Variants in PRKAR2B observed in about 807,000 individuals in gnomAD.
PRKAR2B encodes protein kinase cAMP-dependent type II regulatory subunit beta.
Under a neutral mutation model 49.9 loss-of-function variants are expected in PRKAR2B, and 14 were observed. The ratio of observed to expected loss-of-function variants is 0.28; its 90% CI spans 0.19 to 0.44. PRKAR2B has a LOEUF of 0.44. Among genes scored for constraint, PRKAR2B ranks in the 20% least tolerant of loss-of-function variants. The pLI, the probability that PRKAR2B is intolerant of heterozygous loss-of-function variation, is 1.00. For missense variants in PRKAR2B, 393 were observed against 537.9 expected, an observed-to-expected ratio of 0.73 and a Z score of 2.67; for synonymous variants, 196 against 197.7, an observed-to-expected ratio of 0.99 and a Z score of 0.07.
chr7:107,151,454 G>T (rs771966950), intron 7 of PRKAR2B, among the ~76,000 whole-genome samples: 3 of 152,054 alleles, frequency 2.0e-5, no homozygotes, highest in Non-Finnish European at 2.9e-5. Context: ...TCTGTCCTTG[G>T]CCTCTTCTCT....
intron 2 of PRKAR2B, among the ~76,000 whole-genome samples, chr7:107,100,915 T>C (rs574976202): frequency 6.6e-6 from 1 of 150,512 alleles, no homozygotes; most frequent in South Asian, 2.2e-4. Context: ...CCTTTAGCTC[T>C]GTGAACATAT....
At chr7:107,155,379 C>A (rs1392592809) in intron 8 of PRKAR2B, among the ~76,000 whole-genome samples, 1 of 152,070 alleles carries the variant, frequency 6.6e-6, no homozygotes, top group Non-Finnish European at 1.5e-5. Context: ...CATGGTGAAA[C>A]CCCATCTCTA....
Position 107,153,076 on chromosome 7 carries a change from C to T in PRKAR2B, c.844-101C>T, listed in dbSNP as rs114035683. 3,068 of 660,796 alleles carry T rather than the reference C, an allele frequency of 4.6e-3. 76 individuals carry two copies. In the African/African-American group the frequency reaches 0.052, roughly 11 times the overall value. 40.9% of individuals were successfully genotyped at this position (660,796 alleles called of 1,614,324 possible). A position where few individuals can be genotyped will look rare whatever the true frequency, so the allele number is the denominator to read the frequency against. On this transcript the variant is annotated intron_variant, in intron 7 of 10. Transcript: ENST00000265717. ...ACACATATACAACCTACACACTGCTCGATTTATTTGGCCTATAGGCTACCA... is the reference window on the plus strand; with the variant it reads ...ACACATATACAACCTACACACTGCTTGATTTATTTGGCCTATAGGCTACCA...
At chr7:107,144,242 C>T (rs558664546) in intron 5 of PRKAR2B, among the ~76,000 whole-genome samples, 15 of 151,886 alleles carry the variant, frequency 9.9e-5, no homozygotes, top group Middle Eastern at 3.4e-3. Context: ...ACTGCCACCA[C>T]GCCTGGCTAA....
chr7:107,118,162 CATTT>C (rs1795314479), intron 2 of PRKAR2B, among the ~76,000 whole-genome samples: 3 of 152,256 alleles, frequency 2.0e-5, no homozygotes, highest in South Asian at 2.1e-4. Context: ...GCCATTCATT[CATTT>C]ATTTGTTACA....
chr7:107,120,744 A>G (rs1188087255), intron 2 of PRKAR2B, among the ~76,000 whole-genome samples: 1 of 152,152 alleles, frequency 6.6e-6, no homozygotes, highest in Non-Finnish European at 1.5e-5. Flanking sequence ...TTCTTTCCTC[A>G]TAGATATCAT....
At chr7:107,126,544 C>A (rs138365485) in intron 3 of PRKAR2B, among the ~76,000 whole-genome samples, 109 of 151,462 alleles carry the variant, frequency 7.2e-4, no homozygotes, top group Non-Finnish European at 1.2e-3. Flanking sequence ...GAGAGAAAGA[C>A]ATAAAGTTGA....
At chr7:107,133,267 A>G (rs1003012244) in intron 4 of PRKAR2B, among the ~76,000 whole-genome samples, 4 of 152,212 alleles carry the variant, frequency 2.6e-5, no homozygotes, top group African/African-American at 7.2e-5. Context: ...TTGCCTTTTC[A>G]TATATCCGTG....
chr7:107,064,552 T>C (rs1794094759), intron 1 of PRKAR2B, among the ~76,000 whole-genome samples: 1 of 152,148 alleles, frequency 6.6e-6, no homozygotes, highest in Non-Finnish European at 1.5e-5. Context: ...TCCCGTTATG[T>C]CTCATAAGAA....
At chr7:107,135,168 A>T (rs1795676250) in intron 4 of PRKAR2B, among the ~76,000 whole-genome samples, 2 of 152,204 alleles carry the variant, frequency 1.3e-5, no homozygotes, top group African/African-American at 4.8e-5. Context: ...AAGTGCTTGA[A>T]TATACAAATG....
At chr7:107,140,991 AC>A (rs780274695) in intron 5 of PRKAR2B, 38 bp downstream of exon 5, 4 of 1,458,692 alleles carry the variant, frequency 2.7e-6, no homozygotes, top group Non-Finnish European at 3.8e-6. Flanking sequence ...AATTGAAAGA[AC>A]CTTTTGTGTA....
At chr7:107,159,343 A>T in intron 10 of PRKAR2B, 106 bp from the exon 11 acceptor site, 2 of 1,110,806 alleles carry the variant, frequency 1.8e-6, no homozygotes, top group African/African-American at 3.2e-5. Context: ...TTTACCTAAA[A>T]TATCATTGCA....
chr7:107,135,459 A>G (rs1795681305), intron 4 of PRKAR2B, among the ~76,000 whole-genome samples: 1 of 152,172 alleles, frequency 6.6e-6, no homozygotes, highest in South Asian at 2.1e-4. Context: ...TTGTTCACAG[A>G]TGACATGATT....
At chr7:107,059,236 T>C (rs1297390702) in intron 1 of PRKAR2B, among the ~76,000 whole-genome samples, 1 of 151,926 alleles carries the variant, frequency 6.6e-6, no homozygotes, top group East Asian at 1.9e-4. Context: ...TGCAGTGAAC[T>C]CCAGCGTGGG....
At chr7:107,098,329 G>A (rs1234630710) in intron 2 of PRKAR2B, among the ~76,000 whole-genome samples, 5 of 152,114 alleles carry the variant, frequency 3.3e-5, no homozygotes, top group African/African-American at 4.8e-5. Context: ...CATGCATCAC[G>A]TAGTTCTTGT....
intron 3 of PRKAR2B, among the ~76,000 whole-genome samples, chr7:107,126,087 TAAAAA>T (rs34333619): frequency 1.2e-5 from 1 of 82,258 alleles, no homozygotes; most frequent in African/African-American, 4.9e-5. Flanking sequence ...GACTGTGTCT[TAAAAA>T]AAAAAAAAAA....
At chr7:107,105,439 A>G (rs1165428218) in intron 2 of PRKAR2B, among the ~76,000 whole-genome samples, 1 of 152,234 alleles carries the variant, frequency 6.6e-6, no homozygotes, top group Non-Finnish European at 1.5e-5. Context: ...GGTACAACCA[A>G]AGGAGTATGT....
intron 2 of PRKAR2B, among the ~76,000 whole-genome samples, chr7:107,106,063 A>T (rs917189418): frequency 6.6e-6 from 1 of 152,146 alleles, no homozygotes; most frequent in African/African-American, 2.4e-5. Context: ...CATACCAGGG[A>T]TAGCTCACCC....
intron 1 of PRKAR2B, among the ~76,000 whole-genome samples, chr7:107,048,037 C>G (rs1793731645): frequency 6.6e-6 from 1 of 152,162 alleles, no homozygotes; most frequent in Admixed American, 6.5e-5. Context: ...TTTGTCTCAG[C>G]TTTATGAGAA....
Sources: gnomAD v4.1 joint callset for allele counts (sites outside exome capture counted in the v4.1 genomes callset) on GRCh38, gnomAD v4.1.1 for gene constraint, MANE v1.5 for transcripts, NCBI Gene and HGNC (gene_info 2026-07-23, HGNC 2026-07-21) for gene names.